CDH12: variants seen among roughly 807,000 people sequenced by gnomAD.
CDH12 encodes cadherin-12.
Under a neutral mutation model 74.1 loss-of-function variants are expected in CDH12, and 41 were observed. That is an observed-to-expected ratio of 0.55 (90% CI 0.43 to 0.72). The LOEUF (loss-of-function observed/expected upper bound fraction) is 0.72. Ranked by LOEUF, CDH12 falls within the 30% of genes least tolerant of loss-of-function variation. CDH12 has a pLI of 0.00. For synonymous variants in CDH12, 399 were observed against 355.0 expected, an observed-to-expected ratio of 1.12 and a Z score of -1.39; for missense variants, 945 against 977.2, an observed-to-expected ratio of 0.97 and a Z score of 0.44.
In CDH12 at chr5:22,321,763, A is replaced by G. The variant is rs563523917; in HGVS notation, c.-333+83494T>C. Among the ~76,000 whole-genome samples the G allele has an allele frequency of 3.3e-5, 5 of 152,246 alleles. No individual in the cohort carries two copies. In the South Asian group the frequency reaches 1.0e-3, roughly 32 times the overall value. ...TTTTATTTTTATGTACTTATTTTGTAATATCTTAGTGCAGACCTTTTATTC... is the reference window on the plus strand; with the variant it reads ...TTTTATTTTTATGTACTTATTTTGTGATATCTTAGTGCAGACCTTTTATTC... On this transcript the variant is annotated intron_variant, in intron 3 of 14. Transcript: ENST00000382254.
intron 3 of CDH12, among the ~76,000 whole-genome samples, chr5:22,251,644 G>C (rs1206368856): frequency 6.6e-6 from 1 of 152,114 alleles, no homozygotes; most frequent in Non-Finnish European, 1.5e-5. Flanking sequence ...TTGATGCCTT[G>C]CACATGGTAC....
intron 6 of CDH12, among the ~76,000 whole-genome samples, chr5:21,880,807 C>T (rs911474704): frequency 6.6e-6 from 1 of 151,648 alleles, no homozygotes; most frequent in South Asian, 2.1e-4. Flanking sequence ...CCCCAGCTCT[C>T]AGTATTTTTG....
intron 1 of CDH12, among the ~76,000 whole-genome samples, chr5:22,659,617 T>C (rs1740241116): frequency 6.6e-6 from 1 of 152,098 alleles, no homozygotes; most frequent in East Asian, 1.9e-4. Context: ...CTTTATCACT[T>C]TGAGCATTTT....
At position 22,378,779 on chromosome 5, in the gene CDH12, A is replaced by G. The variant is rs567473098; in HGVS notation, c.-333+26478T>C. ...TTTTGAGAATTATACAATATTTGATACAAAATTACTTGTATTGGGTTTCTA... is the reference window on the plus strand; with the variant it reads ...TTTTGAGAATTATACAATATTTGATGCAAAATTACTTGTATTGGGTTTCTA... On this transcript the variant is annotated intron_variant, in intron 3 of 14. Transcript: ENST00000382254. 2.9e-4 allele frequency among the ~76,000 whole-genome samples: 44 copies of G among 152,256 alleles called. No homozygotes were observed. The South Asian group carries it at 9.1e-3, about 32-fold the overall frequency.
chr5:21,883,807 T>G, intron 6 of CDH12: 2 of 1,596,664 alleles, frequency 1.3e-6, no homozygotes, highest in Admixed American at 3.3e-5. Context: ...GTGCTGAAGT[T>G]TGGTGGGACA....
At chr5:22,824,866 G>A (rs1173267019) in intron 1 of CDH12, among the ~76,000 whole-genome samples, 3 of 151,606 alleles carry the variant, frequency 2.0e-5, no homozygotes, top group Non-Finnish European at 4.4e-5. Flanking sequence ...ATATATATGT[G>A]TGTCCAAAAT....
intron 2 of CDH12, among the ~76,000 whole-genome samples, chr5:22,431,644 C>T (rs1199132209): frequency 2.0e-5 from 3 of 152,190 alleles, no homozygotes; most frequent in African/African-American, 7.2e-5. Flanking sequence ...CAACTCAATG[C>T]ATGTAAGTGC....
At chr5:22,350,168 G>A (rs1197890566) in intron 3 of CDH12, among the ~76,000 whole-genome samples, 1 of 152,134 alleles carries the variant, frequency 6.6e-6, no homozygotes, top group East Asian at 1.9e-4. Context: ...TATGATTCCA[G>A]ACATTTGATT....
At chr5:22,242,058 T>C (rs78884403) in intron 3 of CDH12, among the ~76,000 whole-genome samples, 9,030 of 152,184 alleles carry the variant, frequency 0.059, 376 homozygotes, top group Middle Eastern at 0.13. Context: ...GTTAATAATC[T>C]ATAAAAGTAA....
chr5:21,817,859 G>A (rs1181647399), intron 8 of CDH12, among the ~76,000 whole-genome samples: 5 of 151,772 alleles, frequency 3.3e-5, no homozygotes. Context: ...ACCACCAGGT[G>A]GAGCGTTTAT....
At chr5:22,404,490 C>T (rs1742857533) in intron 3 of CDH12, among the ~76,000 whole-genome samples, 1 of 151,998 alleles carries the variant, frequency 6.6e-6, no homozygotes, top group South Asian at 2.1e-4. Flanking sequence ...AGCTAACATT[C>T]ATAAAAGCAA....
At chr5:22,286,384 G>A (rs1392358192) in intron 3 of CDH12, among the ~76,000 whole-genome samples, 2 of 152,144 alleles carry the variant, frequency 1.3e-5, no homozygotes, top group Non-Finnish European at 2.9e-5. Flanking sequence ...GGCACCTAAA[G>A]TAGATGGGCC....
At chr5:21,880,111 C>T (rs1027329199) in intron 6 of CDH12, among the ~76,000 whole-genome samples, 1 of 152,204 alleles carries the variant, frequency 6.6e-6, no homozygotes, top group African/African-American at 2.4e-5. Flanking sequence ...TCCAAGTTAT[C>T]AGCTTACTTC....
intron 2 of CDH12, among the ~76,000 whole-genome samples, chr5:22,439,276 T>C (rs1261677061): frequency 6.6e-6 from 1 of 151,868 alleles, no homozygotes; most frequent in Admixed American, 6.6e-5. Flanking sequence ...AGTCCCTGCT[T>C]TGACAAAAAA....
At chr5:22,286,165 A>G (rs1737125004) in intron 3 of CDH12, among the ~76,000 whole-genome samples, 1 of 152,164 alleles carries the variant, frequency 6.6e-6, no homozygotes, top group Non-Finnish European at 1.5e-5. Flanking sequence ...TGCAGATTCA[A>G]AATGTCTTAT....
intron 14 of CDH12, among the ~76,000 whole-genome samples, chr5:21,753,535 C>A (rs1245828184): frequency 6.6e-6 from 1 of 152,124 alleles, no homozygotes; most frequent in Non-Finnish European, 1.5e-5. Flanking sequence ...AAAAGGGACC[C>A]AAGCACCATA....
At chr5:21,860,364 AC>A (rs1178515194) in intron 6 of CDH12, among the ~76,000 whole-genome samples, 1 of 151,890 alleles carries the variant, frequency 6.6e-6, no homozygotes, top group Non-Finnish European at 1.5e-5. Context: ...TGTAATTATG[AC>A]CTTATTGTTG....
At chr5:22,706,891 A>C (rs1487270703) in intron 1 of CDH12, among the ~76,000 whole-genome samples, 2 of 152,190 alleles carry the variant, frequency 1.3e-5, no homozygotes, top group Non-Finnish European at 2.9e-5. Flanking sequence ...AAAGGGGGAA[A>C]ATCTCATTGT....
intron 4 of CDH12, among the ~76,000 whole-genome samples, chr5:22,130,536 T>C (rs1346319331): frequency 6.6e-6 from 1 of 152,084 alleles, no homozygotes; most frequent in Non-Finnish European, 1.5e-5. Flanking sequence ...AATGTGGGCA[T>C]GTTAAAAGAA....
Sources: allele counts gnomAD v4.1 joint callset (sites outside exome capture counted in the v4.1 genomes callset), GRCh38; gene constraint gnomAD v4.1.1; transcripts MANE v1.5; gene names NCBI Gene and HGNC (gene_info 2026-07-23, HGNC 2026-07-21).